SORCS1: variants seen among roughly 807,000 people sequenced by gnomAD.
SORCS1 encodes the protein sortilin related VPS10 domain containing receptor 1.
In SORCS1, 60 loss-of-function variants were observed where a neutral mutation model predicts 146.1. The observed-to-expected ratio is 0.41, with a 90% confidence interval of 0.33 to 0.51. The LOEUF (loss-of-function observed/expected upper bound fraction) is 0.51. Ranked by LOEUF, SORCS1 falls within the 20% of genes least tolerant of loss-of-function variation. The pLI, the probability that SORCS1 is intolerant of heterozygous loss-of-function variation, is 0.21. For synonymous variants in SORCS1, 637 were observed against 584.0 expected (o/e 1.09, Z -1.31); for missense variants, 1,352 against 1,487.6 (o/e 0.91, Z 1.50).
chr10:106,618,049 G>C, intron 21 of SORCS1, 100 bp downstream of exon 21: 1 of 1,506,460 alleles, frequency 6.6e-7, no homozygotes, highest in Non-Finnish European at 9.0e-7. Flanking sequence ...CCGTTCTCCA[G>C]GTAAAAGTCA....
chr10:106,677,716 T>A (rs551225185), intron 12 of SORCS1, among the ~76,000 whole-genome samples: 1 of 152,326 alleles, frequency 6.6e-6, no homozygotes, highest in African/African-American at 2.4e-5. Context: ...AGAATATTGG[T>A]TAACTGTCAT....
chr10:106,990,686 G>C (rs867294920), intron 1 of SORCS1, among the ~76,000 whole-genome samples: 53 of 152,312 alleles, frequency 3.5e-4, no homozygotes, highest in Middle Eastern at 3.4e-3. Context: ...GACTTAAGGA[G>C]ATCGGAGAAA....
At chr10:106,603,320 GC>G (rs1464204274) in intron 23 of SORCS1, among the ~76,000 whole-genome samples, 3 of 152,178 alleles carry the variant, frequency 2.0e-5, no homozygotes, top group Non-Finnish European at 4.4e-5. Context: ...GGGCACAAGA[GC>G]CTTTTCTCAC....
At chr10:107,102,046 G>A (rs1036093899) in intron 1 of SORCS1, among the ~76,000 whole-genome samples, 1 of 152,078 alleles carries the variant, frequency 6.6e-6, no homozygotes, top group African/African-American at 2.4e-5. Context: ...CAAACATAAG[G>A]GAGCTTTCTG....
At chr10:106,765,688 G>C (rs542254533) in intron 4 of SORCS1, among the ~76,000 whole-genome samples, 1 of 152,104 alleles carries the variant, frequency 6.6e-6, no homozygotes, top group Admixed American at 6.5e-5. Flanking sequence ...GATGGGATGA[G>C]AGAAGGGTAG....
At chr10:106,677,881 G>C (rs821931) in intron 12 of SORCS1, among the ~76,000 whole-genome samples, 121,408 of 152,148 alleles carry the variant, frequency 0.8, 50,692 homozygotes, top group Non-Finnish European at 0.93. Flanking sequence ...CTGCATTACA[G>C]TGCCCTTTCC....
chr10:106,638,055 G>A (rs1221282447), intron 18 of SORCS1, among the ~76,000 whole-genome samples: 11 of 152,178 alleles, frequency 7.2e-5, no homozygotes, highest in African/African-American at 2.7e-4. Context: ...TTATGGTACA[G>A]AGAGGTTCAG....
intron 24 of SORCS1, among the ~76,000 whole-genome samples, chr10:106,588,436 C>G (rs1845373819): frequency 6.6e-6 from 1 of 152,120 alleles, no homozygotes; most frequent in South Asian, 2.1e-4. Flanking sequence ...AGATTTATTA[C>G]TGGAGATAGT....
chr10:106,942,499 G>T (rs925993397), intron 2 of SORCS1, among the ~76,000 whole-genome samples: 1 of 152,162 alleles, frequency 6.6e-6, no homozygotes, highest in Non-Finnish European at 1.5e-5. Context: ...GCATTATTCA[G>T]CACAGTGCAT....
intron 2 of SORCS1, among the ~76,000 whole-genome samples, chr10:106,839,879 T>C (rs981891849): frequency 4.6e-5 from 7 of 152,242 alleles, no homozygotes; most frequent in African/African-American, 1.7e-4. Context: ...GTCTGAATGA[T>C]AGCACATCTG....
intron 1 of SORCS1, among the ~76,000 whole-genome samples, chr10:107,034,364 T>C (rs1409144833): frequency 2.0e-5 from 3 of 151,790 alleles, no homozygotes; most frequent in Admixed American, 6.6e-5. Context: ...CACCTTTCTT[T>C]CCTTCATATA....
intron 24 of SORCS1, among the ~76,000 whole-genome samples, chr10:106,596,557 T>A (rs111598153): frequency 6.6e-6 from 1 of 152,132 alleles, no homozygotes; most frequent in Non-Finnish European, 1.5e-5. Flanking sequence ...ACCTTCTCAG[T>A]TGAAGAGATG....
intron 1 of SORCS1, among the ~76,000 whole-genome samples, chr10:107,000,385 G>A (rs1217623651): frequency 6.6e-6 from 1 of 151,780 alleles, no homozygotes; most frequent in African/African-American, 2.4e-5. Context: ...GCATCATGAG[G>A]TCAGGAGATC....
At chr10:106,954,115 A>G (rs1375434626) in intron 2 of SORCS1, among the ~76,000 whole-genome samples, 1 of 152,224 alleles carries the variant, frequency 6.6e-6, no homozygotes, top group East Asian at 1.9e-4. Flanking sequence ...GAGCTTCCAC[A>G]GTCTAGGGCA....
At chr10:107,022,056 G>A (rs1254028932) in intron 1 of SORCS1, among the ~76,000 whole-genome samples, 1 of 152,134 alleles carries the variant, frequency 6.6e-6, no homozygotes, top group Non-Finnish European at 1.5e-5. Context: ...TCCATGAGAA[G>A]TTTTGATGAA....
At chr10:107,167,127 G>A (rs1369018444), upstream of SORCS1, among the ~76,000 whole-genome samples, 1 of 152,258 alleles carries the variant, frequency 6.6e-6, no homozygotes, top group African/African-American at 2.4e-5. Flanking sequence ...TTACACAAGT[G>A]TGGATGACAT....
chr10:107,063,824 T>C (rs896386490), intron 1 of SORCS1, among the ~76,000 whole-genome samples: 78 of 152,324 alleles, frequency 5.1e-4, no homozygotes, highest in African/African-American at 1.8e-3. Flanking sequence ...TTGCAACTTC[T>C]TCCTCATTCC....
rs776836972 is a variant in SORCS1, at chr10:106,665,447, T to C, written c.2303+2242A>G. On this transcript the variant is annotated intron_variant, in intron 17 of 25. Transcript: ENST00000263054. ...TATGTTGTCCAGGGTGGCCTTGAAC[T>C]CCTGGACCCAAACGATCCTTCCACT... Among the ~76,000 whole-genome samples, 8 of 151,068 alleles carry C rather than the reference T, an allele frequency of 5.3e-5. No individual in the cohort carries two copies. In the South Asian group the frequency reaches 1.7e-3, roughly 32 times the overall value.
intron 3 of SORCS1, among the ~76,000 whole-genome samples, chr10:106,790,084 A>T (rs186237455): frequency 6.6e-6 from 1 of 152,224 alleles, no homozygotes; most frequent in East Asian, 1.9e-4. Context: ...ACCTAAGGAT[A>T]ACAATTCAAG....
Sources: gnomAD v4.1 joint callset for allele counts (sites outside exome capture counted in the v4.1 genomes callset) on GRCh38, gnomAD v4.1.1 for gene constraint, MANE v1.5 for transcripts, NCBI Gene and HGNC (gene_info 2026-07-23, HGNC 2026-07-21) for gene names.